PLEKHB1: variants seen among roughly 807,000 people sequenced by gnomAD.
PLEKHB1 encodes pleckstrin homology domain-containing family B member 1.
A neutral mutation model predicts 36.2 loss-of-function variants in PLEKHB1; 29 were observed. The ratio of observed to expected loss-of-function variants is 0.80; its 90% CI spans 0.60 to 1.09. PLEKHB1 has a LOEUF of 1.09. Ranked by LOEUF, PLEKHB1 falls within the 50% of genes least tolerant of loss-of-function variation. PLEKHB1 has a pLI of 0.00. For synonymous variants in PLEKHB1, 138 were observed against 140.0 expected (o/e 0.99, Z 0.10); for missense variants, 330 against 348.2 (o/e 0.95, Z 0.42).
intron 6 of PLEKHB1, among the ~76,000 whole-genome samples, chr11:73,657,150 A>G (rs1381001443): frequency 6.6e-6 from 1 of 152,150 alleles, no homozygotes. Context: ...CTCAAAAAAA[A>G]AAATTGTCTC....
intron 4 of PLEKHB1, 192 bp from the exon 5 acceptor site, chr11:73,652,779 CCTAA>C (rs1944921251): frequency 1.9e-6 from 1 of 531,390 alleles, no homozygotes; most frequent in Non-Finnish European, 3.3e-6. Flanking sequence ...AATGAATTAG[CCTAA>C]CTTAGTGCTC....
intron 6 of PLEKHB1, among the ~76,000 whole-genome samples, chr11:73,657,484 A>G (rs1945017232): frequency 6.6e-6 from 1 of 152,220 alleles, no homozygotes; most frequent in African/African-American, 2.4e-5. Context: ...TTGTACCCAC[A>G]AAGTAGCTGG....
At chr11:73,656,001 T>C (rs1004037262) in intron 6 of PLEKHB1, 94 bp downstream of exon 6, 2 of 1,037,444 alleles carry the variant, frequency 1.9e-6, no homozygotes, top group African/African-American at 3.1e-5. Context: ...GTGACAAACA[T>C]TCCATGGCTC....
chr11:73,660,254 G>A (rs558778407), intron 6 of PLEKHB1: 37 of 160,420 alleles, frequency 2.3e-4, no homozygotes, highest in African/African-American at 7.9e-4. Context: ...GCCTAAGGAC[G>A]CATTTCTCAG....
Position 73,660,827 on chromosome 11 carries a change from C to T in PLEKHB1, c.570C>T (p.Arg190=). The T allele has an allele frequency of 6.3e-7, 1 of 1,597,524 alleles. No individual in the cohort carries two copies. Among genetic ancestry groups the T allele is most frequent in the Non-Finnish European group, 8.5e-7 (1 of 1,173,800 alleles). The change falls in exon 7 of 8, where the codon CGC becomes CGT. Residue 190 remains arginine (R), a synonymous_variant. Coordinates refer to ENST00000354190, the MANE Select transcript of PLEKHB1 (RefSeq NM_021200.3). ...PPNAHEATYV[R]SYYGPPYAGP... ...ATGCACACGAGGCCACGTATGTCCG[C>T]AGCTACTACGGACCGCCCTACGCAG...
intron 3 of PLEKHB1, 52 bp downstream of exon 3, chr11:73,650,757 C>T (rs1327282691): frequency 7.3e-6 from 11 of 1,508,068 alleles, no homozygotes; most frequent in South Asian, 3.9e-5. Flanking sequence ...CAGAGCCTCC[C>T]GCTGTCTCCG....
rs554167399 is a variant in PLEKHB1, at chr11:73,661,188, C to T, written c.596-278C>T. Among the ~76,000 whole-genome samples the T allele has an allele frequency of 6.6e-6, 1 of 152,184 alleles. No homozygotes were observed. The highest frequency in any genetic ancestry group is 2.4e-5 in the African/African-American group (1 of 41,442). On this transcript the variant is annotated intron_variant, in intron 7 of 7. Coordinates refer to ENST00000354190, the MANE Select transcript of PLEKHB1 (RefSeq NM_021200.3). This position sits in a 1 kb window ranked among gnomAD's most constrained non-coding sequence, Gnocchi z 4.6. ...GCGGTTGGGAATGCCCATCGTTAGG[C>T]GCCTGGTGGTTGTGCTTAGCGATCT...
At chr11:73,646,647 A>AC (rs1944777791) in intron 1 of PLEKHB1, 21 bp downstream of exon 1, 2 of 1,551,336 alleles carry the variant, frequency 1.3e-6, no homozygotes, top group African/African-American at 1.4e-5. Flanking sequence ...GTTCTCTGGG[A>AC]CAGGAGGAAG....
rs7128512 is a variant in PLEKHB1, at chr11:73,661,254, A to G, written c.596-212A>G. 0.8 allele frequency among the ~76,000 whole-genome samples: 121,134 copies of G among 152,154 alleles called. 48,859 individuals are homozygous for G. The highest frequency in any genetic ancestry group is 0.86 in the Admixed American group (13,188 of 15,292). On this transcript the variant is annotated intron_variant, in intron 7 of 7. Coordinates refer to ENST00000354190, the MANE Select transcript of PLEKHB1 (RefSeq NM_021200.3). The surrounding 1 kb of genome is among the most constrained non-coding windows in gnomAD (Gnocchi z 4.6). The stretch of plus-strand genomic sequence containing the variant: ...GCTCCGCCCTAGCCTGCCGTAGCGG[A>G]CCCGTAGGTTCCGGGACATCCGTAG...
In PLEKHB1 at chr11:73,646,692, G is replaced by A. The variant is rs904184525; in HGVS notation, c.18+66G>A. The A allele has an allele frequency of 3.1e-5, 47 of 1,519,040 alleles. 1 individual carries two copies. Among genetic ancestry groups the A allele is most frequent in the Non-Finnish European group, 2.1e-5 (24 of 1,117,948 alleles). The allele number at this position is 1,519,040 out of a possible 1,614,324, so 94.1% of individuals were successfully genotyped here. ...CAGGGTGGGCACCCTTGCCACATAGGGGACGGGACAGAAGTCTTTTAGGCC... is the reference window on the plus strand; with the variant it reads ...CAGGGTGGGCACCCTTGCCACATAGAGGACGGGACAGAAGTCTTTTAGGCC... On this transcript the variant is annotated intron_variant, in intron 1 of 7. Transcript: ENST00000354190.
At chr11:73,650,397 A>G in intron 2 of PLEKHB1, 156 bp from the exon 3 acceptor site, 1 of 772,854 alleles carries the variant, frequency 1.3e-6, no homozygotes, top group Non-Finnish European at 2.0e-6. Context: ...TGAACAAGAC[A>G]GAAAGAGGTC....
At chr11:73,653,685 G>GGT (rs1262844549) in intron 5 of PLEKHB1, among the ~76,000 whole-genome samples, 9 of 152,302 alleles carry the variant, frequency 5.9e-5, no homozygotes, top group East Asian at 1.9e-4. Flanking sequence ...TCGGGTAAAG[G>GGT]GCACGGCATT....
chr11:73,661,007 G>C lies in PLEKHB1; in HGVS notation c.595+155G>C. The C allele has an allele frequency of 1.4e-6, 1 of 708,432 alleles. No individual in the cohort carries two copies. 43.9% of individuals were successfully genotyped at this position (708,432 alleles called of 1,614,324 possible). Reference sequence around the variant, plus strand: ...CTCCGCAAGCCCCTCTCCATCCTGAGACTGGGAGAGCTCTGGAACCAGCGT... The same window carrying C: ...CTCCGCAAGCCCCTCTCCATCCTGACACTGGGAGAGCTCTGGAACCAGCGT... On this transcript the variant is annotated intron_variant, in intron 7 of 7. Coordinates refer to ENST00000354190, the MANE Select transcript of PLEKHB1 (RefSeq NM_021200.3). The surrounding 1 kb of genome is among the most constrained non-coding windows in gnomAD (Gnocchi z 4.6).
intron 6 of PLEKHB1, among the ~76,000 whole-genome samples, chr11:73,658,176 C>T (rs2134825359): frequency 6.6e-6 from 1 of 152,294 alleles, no homozygotes; most frequent in African/African-American, 2.4e-5. Context: ...GGGACCCCAA[C>T]AGAACCTGAG....
chr11:73,661,357 TG>T lies in PLEKHB1; in HGVS notation c.596-106del. The T allele has an allele frequency of 8.1e-7, 1 of 1,239,796 alleles. No homozygotes were observed. 76.8% of individuals were successfully genotyped at this position (1,239,796 alleles called of 1,614,324 possible). A position where few individuals can be genotyped will look rare whatever the true frequency, so the allele number is the denominator to read the frequency against. ...GTTCTTTGACTGGGGAGCAGGAGAG[TG>T]GGTTCGGCGCCTTACACTGGGTTGG... On this transcript the variant is annotated intron_variant, in intron 7 of 7. Coordinates refer to ENST00000354190, the MANE Select transcript of PLEKHB1 (RefSeq NM_021200.3). The surrounding 1 kb of genome is among the most constrained non-coding windows in gnomAD (Gnocchi z 4.6).
Position 73,660,896 on chromosome 11 carries a change from G to T in PLEKHB1, c.595+44G>T, listed in dbSNP as rs774162324. 1.7e-5 allele frequency: 26 copies of T among 1,523,366 alleles called. 1 individual carries two copies. In the African/African-American group the frequency reaches 3.3e-4, roughly 19 times the overall value. 94.4% of individuals were successfully genotyped at this position (1,523,366 alleles called of 1,614,324 possible). ...CCGGGGCTTGCCTCGATCCAGCACC[G>T]ATTCAGCGCCAGGCCCAGCCCACGG... is the stretch of plus-strand genomic sequence containing the variant. On this transcript the variant is annotated intron_variant, in intron 7 of 7. Transcript: ENST00000354190.
intron 1 of PLEKHB1, chr11:73,647,643 T>G (rs1944793205): frequency 1.0e-6 from 1 of 985,238 alleles, no homozygotes; most frequent in Admixed American, 6.1e-5. Context: ...CCCCAGGCTC[T>G]CCGGGGCACA....
chr11:73,654,853 A>G (rs1025212059), intron 5 of PLEKHB1, among the ~76,000 whole-genome samples: 14 of 152,180 alleles, frequency 9.2e-5, no homozygotes, highest in African/African-American at 3.1e-4. Context: ...GTTGGAAGAA[A>G]TGGACTTTCC....
intron 6 of PLEKHB1, among the ~76,000 whole-genome samples, chr11:73,659,956 A>G (rs1303868327): frequency 6.6e-6 from 1 of 152,212 alleles, no homozygotes; most frequent in African/African-American, 2.4e-5. Context: ...GATGGACCAC[A>G]TATACAAAGG....
Sources: gnomAD v4.1 joint callset for allele counts (sites outside exome capture counted in the v4.1 genomes callset) on GRCh38, gnomAD v4.1.1 for gene constraint, Gnocchi (gnomAD v3.1) non-coding constraint, MANE v1.5 for transcripts, NCBI Gene and HGNC (gene_info 2026-07-23, HGNC 2026-07-21) for gene names.